Variants in OR6N1 observed in about 807,000 individuals in gnomAD.
OR6N1 encodes the protein olfactory receptor family 6 subfamily N member 1.
For missense variants in OR6N1, 394 were observed against 371.7 expected (o/e 1.06, Z -0.49); for synonymous variants, 170 against 150.7 (o/e 1.13, Z -0.94).
At chr1:158,826,255 T>C in the OR6N1 span, among the ~76,000 whole-genome samples, 1 of 152,156 alleles carries the variant, frequency 6.6e-6, no homozygotes, top group Non-Finnish European at 1.5e-5. Context: ...CATGTACACA[T>C]ACCCCTGAAC....
the OR6N1 span, among the ~76,000 whole-genome samples, chr1:158,818,186 G>T: frequency 6.6e-6 from 1 of 152,046 alleles, no homozygotes; most frequent in African/African-American, 2.4e-5. Flanking sequence ...ACTCACCTAT[G>T]CATGAACACC....
the OR6N1 span, among the ~76,000 whole-genome samples, chr1:158,813,982 G>A: frequency 6.6e-6 from 1 of 152,094 alleles, no homozygotes; most frequent in Non-Finnish European, 1.5e-5. Context: ...TTACAGGTGT[G>A]AGTCACCATG....
chr1:158,836,953 CT>C, the OR6N1 span, among the ~76,000 whole-genome samples: 1 of 151,566 alleles, frequency 6.6e-6, no homozygotes, highest in African/African-American at 2.4e-5. Context: ...ACTTGTGATT[CT>C]TTGTACATGT....
the OR6N1 span, among the ~76,000 whole-genome samples, chr1:158,823,797 G>A: frequency 3.3e-5 from 5 of 151,994 alleles, no homozygotes; most frequent in Admixed American, 3.3e-4. Flanking sequence ...CTTTAGTTTT[G>A]ATATTAAGTT....
At chr1:158,813,901 T>C in the OR6N1 span, among the ~76,000 whole-genome samples, 2 of 151,984 alleles carry the variant, frequency 1.3e-5, no homozygotes, top group Non-Finnish European at 1.5e-5. Context: ...AGTTTCACCA[T>C]GTTGCCCAGG....
the OR6N1 span, among the ~76,000 whole-genome samples, chr1:158,800,510 G>T: frequency 6.6e-6 from 1 of 152,086 alleles, no homozygotes; most frequent in South Asian, 2.1e-4. Flanking sequence ...TTTACCTGAG[G>T]GTATATTGCC....
At chr1:158,835,197 A>G in the OR6N1 span, among the ~76,000 whole-genome samples, 7 of 152,190 alleles carry the variant, frequency 4.6e-5, no homozygotes, top group Non-Finnish European at 8.8e-5. Flanking sequence ...ATTGCATTGC[A>G]TATGCAGTTC....
the OR6N1 span, among the ~76,000 whole-genome samples, chr1:158,785,819 C>G: frequency 0.059 from 9,042 of 152,122 alleles, 324 homozygotes; most frequent in East Asian, 0.14. Flanking sequence ...ATTTACCTAT[C>G]TATACAGGAT....
chr1:158,768,332 G>A (rs1448602955), intron 1 of OR6N1, among the ~76,000 whole-genome samples: 1 of 152,106 alleles, frequency 6.6e-6, no homozygotes, highest in Non-Finnish European at 1.5e-5. Context: ...GAGTCGAAGA[G>A]CCATCTCAAA....
In OR6N1 at chr1:158,765,106, T is replaced by G. The variant is rs1657211600; in HGVS notation, c.*638A>C. The G allele has an allele frequency of 6.6e-6, 1 of 152,164 alleles. No homozygotes were observed. The highest frequency in any genetic ancestry group is 1.5e-5 in the Non-Finnish European group (1 of 68,006). 9.4% of individuals were successfully genotyped at this position (152,164 alleles called of 1,614,324 possible). ...CCTTATTTATTTACTATCACCTACA[T>G]GTCAGACACTGTGCACTGTGGTTTA... On this transcript the variant is annotated 3_prime_UTR_variant, in exon 2 of 2. Coordinates refer to ENST00000641846, the MANE Select transcript of OR6N1 (RefSeq NM_001005185.2).
chr1:158,792,415 G>A, the OR6N1 span, among the ~76,000 whole-genome samples: 2 of 152,098 alleles, frequency 1.3e-5, no homozygotes, highest in Non-Finnish European at 2.9e-5. Context: ...ATTGAGATGT[G>A]AGGTACTGTT....
At chr1:158,805,516 G>A in the OR6N1 span, among the ~76,000 whole-genome samples, 1 of 152,150 alleles carries the variant, frequency 6.6e-6, no homozygotes, top group East Asian at 1.9e-4. Flanking sequence ...AATTCCCTTA[G>A]GTCCTATCTG....
At chr1:158,836,256 G>C in the OR6N1 span, among the ~76,000 whole-genome samples, 1 of 151,988 alleles carries the variant, frequency 6.6e-6, no homozygotes, top group Admixed American at 6.6e-5. Flanking sequence ...GAGTTTGGAA[G>C]TGTTCCCTCC....
At chr1:158,817,030 ATT>A in the OR6N1 span, among the ~76,000 whole-genome samples, 1 of 152,326 alleles carries the variant, frequency 6.6e-6, no homozygotes, top group East Asian at 1.9e-4. Context: ...TTTTATATTC[ATT>A]ATGTAAAAAT....
At chr1:158,819,605 T>C in the OR6N1 span, among the ~76,000 whole-genome samples, 1 of 152,180 alleles carries the variant, frequency 6.6e-6, no homozygotes, top group Non-Finnish European at 1.5e-5. Context: ...AAAAGAGGAA[T>C]GTATACCACG....
the OR6N1 span, among the ~76,000 whole-genome samples, chr1:158,830,193 T>C: frequency 6.6e-6 from 1 of 152,140 alleles, no homozygotes; most frequent in African/African-American, 2.4e-5. Context: ...CCTGATAAGG[T>C]TTCCTTGTGT....
the OR6N1 span, chr1:158,809,372 T>A: frequency 6.6e-6 from 1 of 152,308 alleles, no homozygotes; most frequent in African/African-American, 2.4e-5. Context: ...AGAATATAAA[T>A]TACTTCAAGC....
chr1:158,791,135 A>T, the OR6N1 span, among the ~76,000 whole-genome samples: 1 of 152,188 alleles, frequency 6.6e-6, no homozygotes, highest in Non-Finnish European at 1.5e-5. Context: ...ATGTCAAATT[A>T]CTTTTTGGAT....
At chr1:158,833,063 C>G in the OR6N1 span, among the ~76,000 whole-genome samples, 12 of 152,084 alleles carry the variant, frequency 7.9e-5, no homozygotes, top group Non-Finnish European at 1.8e-4. Flanking sequence ...CTTCTGGTCC[C>G]CCAAACATAC....
Sources: allele counts gnomAD v4.1 joint callset (sites outside exome capture counted in the v4.1 genomes callset), GRCh38; gene constraint gnomAD v4.1.1; transcripts MANE v1.5; gene names NCBI Gene and HGNC (gene_info 2026-07-23, HGNC 2026-07-21).